CDK14: variants seen among roughly 807,000 people sequenced by gnomAD.
CDK14 encodes the protein cyclin dependent kinase 14.
In CDK14, 34 loss-of-function variants were observed where a neutral mutation model predicts 60.7. The ratio of observed to expected loss-of-function variants is 0.56; its 90% CI spans 0.43 to 0.75. CDK14 has a LOEUF of 0.75. Among genes scored for constraint, CDK14 ranks in the 30% least tolerant of loss-of-function variants. The pLI is 0.00. For missense variants in CDK14, 482 were observed against 564.1 expected, an observed-to-expected ratio of 0.85 and a Z score of 1.47; for synonymous variants, 197 against 203.7, an observed-to-expected ratio of 0.97 and a Z score of 0.28.
At chr7:91,194,302 C>A (rs1423940344) in intron 14 of CDK14, among the ~76,000 whole-genome samples, 2 of 152,062 alleles carry the variant, frequency 1.3e-5, no homozygotes, top group African/African-American at 2.4e-5. Context: ...AATTAAAAAA[C>A]AAAAGAGCTT....
At chr7:90,766,080 A>G (rs1804543946) in intron 4 of CDK14, among the ~76,000 whole-genome samples, 1 of 152,006 alleles carries the variant, frequency 6.6e-6, no homozygotes, top group Non-Finnish European at 1.5e-5. Flanking sequence ...TTTTATTTTT[A>G]TTCATGTTCT....
intron 8 of CDK14, among the ~76,000 whole-genome samples, chr7:90,940,258 A>AT (rs375481202): frequency 6.6e-6 from 1 of 152,076 alleles, no homozygotes; most frequent in South Asian, 2.1e-4. Context: ...AGAATCACAC[A>AT]TTTTTTACAT....
In CDK14 at chr7:90,873,267, ATCAATAATTCCAGTTACCT is replaced by A. The variant is rs1264411364; in HGVS notation, c.639+10002_639+10020del. ...AGTACCCAAGATCAGGATGAAGATG[ATCAATAATTCCAGTTACCT>A]TCACATTAAGTCTGAATAGGTCATT... On this transcript the variant is annotated intron_variant, in intron 6 of 14. Transcript: ENST00000380050. Among the ~76,000 whole-genome samples, 4 of 152,322 alleles carry A rather than the reference ATCAATAATTCCAGTTACCT, an allele frequency of 2.6e-5. No homozygotes were observed. The East Asian group carries it at 5.8e-4, about 22-fold the overall frequency.
intron 14 of CDK14, among the ~76,000 whole-genome samples, chr7:91,131,194 T>G (rs1289091668): frequency 6.6e-6 from 1 of 152,112 alleles, no homozygotes; most frequent in East Asian, 1.9e-4. Context: ...TTAACCCACC[T>G]TCTCCTAATA....
intron 9 of CDK14, among the ~76,000 whole-genome samples, chr7:90,967,733 G>GT (rs1252924151): frequency 6.6e-6 from 1 of 152,138 alleles, no homozygotes; most frequent in African/African-American, 2.4e-5. Flanking sequence ...TCTGTGGGCT[G>GT]TATGAATCCA....
chr7:90,644,339 T>C (rs1159085575), intron 2 of CDK14, among the ~76,000 whole-genome samples: 1 of 152,228 alleles, frequency 6.6e-6, no homozygotes, highest in African/African-American at 2.4e-5. Context: ...CATATATCCA[T>C]TTTGGATTCC....
chr7:90,673,715 A>G (rs963276222), intron 2 of CDK14, among the ~76,000 whole-genome samples: 4 of 152,220 alleles, frequency 2.6e-5, no homozygotes, highest in African/African-American at 9.6e-5. Flanking sequence ...AATAATCACA[A>G]ACCTATGGTT....
At chr7:90,902,769 T>C (rs1792556203) in intron 7 of CDK14, among the ~76,000 whole-genome samples, 1 of 152,088 alleles carries the variant, frequency 6.6e-6, no homozygotes, top group African/African-American at 2.4e-5. Context: ...ACTAATAGGC[T>C]TCTGCAAAGC....
At chr7:90,748,447 G>A (rs1470640533) in intron 4 of CDK14, among the ~76,000 whole-genome samples, 40 of 152,150 alleles carry the variant, frequency 2.6e-4, no homozygotes, top group Admixed American at 2.6e-3. Flanking sequence ...ACATGTAGTT[G>A]TAGATAACTT....
At chr7:91,172,296 A>G (rs546523527) in intron 14 of CDK14, among the ~76,000 whole-genome samples, 1 of 152,272 alleles carries the variant, frequency 6.6e-6, no homozygotes, top group South Asian at 2.1e-4. Context: ...GACTTGCCGC[A>G]TCTTTTAACC....
intron 2 of CDK14, among the ~76,000 whole-genome samples, chr7:90,639,214 GAGTTTCC>G (rs1415554187): frequency 6.6e-6 from 1 of 152,024 alleles, no homozygotes; most frequent in Non-Finnish European, 1.5e-5. Flanking sequence ...GCTCTGCTTA[GAGTTTCC>G]AGTTTTTCTG....
intron 2 of CDK14, among the ~76,000 whole-genome samples, chr7:90,655,594 A>G (rs1243129928): frequency 1.3e-5 from 2 of 152,244 alleles, no homozygotes; most frequent in African/African-American, 4.8e-5. Flanking sequence ...TAAATCAAGT[A>G]TAAAATTGTT....
chr7:91,017,163 T>C (rs1258769761), intron 10 of CDK14, among the ~76,000 whole-genome samples: 1 of 152,216 alleles, frequency 6.6e-6, no homozygotes, highest in Non-Finnish European at 1.5e-5. Flanking sequence ...TTTCACTTTT[T>C]AAGAGTGATT....
intron 14 of CDK14, among the ~76,000 whole-genome samples, chr7:91,143,266 T>C (rs1800520196): frequency 6.6e-6 from 1 of 152,198 alleles, no homozygotes; most frequent in Admixed American, 6.5e-5. Flanking sequence ...GGTGAGTGGG[T>C]ACCTGTGTCC....
At chr7:91,063,542 C>T (rs1179694141) in intron 11 of CDK14, among the ~76,000 whole-genome samples, 2 of 152,284 alleles carry the variant, frequency 1.3e-5, no homozygotes, top group Non-Finnish European at 2.9e-5. Context: ...AACAGATGCT[C>T]ATGCCTTTAG....
intron 2 of CDK14, among the ~76,000 whole-genome samples, chr7:90,671,785 TAACA>T (rs1305615598): frequency 6.6e-6 from 1 of 152,200 alleles, no homozygotes; most frequent in Non-Finnish European, 1.5e-5. Flanking sequence ...GAAACTTGCA[TAACA>T]AACAAGCAGT....
chr7:91,114,471 A>G (rs1243895013), intron 13 of CDK14, among the ~76,000 whole-genome samples: 2 of 152,194 alleles, frequency 1.3e-5, no homozygotes, highest in Non-Finnish European at 2.9e-5. Flanking sequence ...GGTATTTTTA[A>G]TATGAGAATT....
At chr7:90,900,066 A>G (rs942411247) in intron 7 of CDK14, among the ~76,000 whole-genome samples, 4 of 152,266 alleles carry the variant, frequency 2.6e-5, no homozygotes, top group Admixed American at 1.3e-4. Flanking sequence ...ATTCATCTCA[A>G]TTTCTTCCCA....
chr7:90,990,295 A>G (rs1795494699), intron 10 of CDK14, among the ~76,000 whole-genome samples: 1 of 152,206 alleles, frequency 6.6e-6, no homozygotes, highest in Non-Finnish European at 1.5e-5. Flanking sequence ...GAAATATACA[A>G]TGTGGATAAA....
Sources: allele counts gnomAD v4.1 joint callset (sites outside exome capture counted in the v4.1 genomes callset), GRCh38; gene constraint gnomAD v4.1.1; transcripts MANE v1.5; gene names NCBI Gene and HGNC (gene_info 2026-07-23, HGNC 2026-07-21).